SVOP: variants seen among roughly 807,000 people sequenced by gnomAD.
SVOP encodes the protein synaptic vesicle 2-related protein.
A neutral mutation model predicts 69.1 loss-of-function variants in SVOP; 17 were observed. The observed-to-expected ratio is 0.25, with a 90% CI of 0.17 to 0.37. The LOEUF is 0.37. SVOP is among the 10% of genes least tolerant of loss of function. SVOP has a pLI of 1.00. For synonymous variants in SVOP, 238 were observed against 238.6 expected (o/e 1.00, Z 0.02); for missense variants, 435 against 597.5 (o/e 0.73, Z 2.84).
chr12:109,002,076 T>C lies in SVOP; in HGVS notation c.36-18315A>G, dbSNP rs878967490. 7.4e-5 allele frequency among the ~76,000 whole-genome samples: 10 copies of C among 135,168 alleles called. No homozygotes were observed. In the East Asian group the frequency reaches 1.7e-3, roughly 23 times the overall value. 88.7% of individuals were successfully genotyped at this position (135,168 alleles called of 152,430 possible). A position where few individuals can be genotyped will look rare whatever the true frequency, so the allele number is the denominator to read the frequency against. On this transcript the variant is annotated intron_variant, in intron 1 of 15. Coordinates refer to ENST00000610966, the MANE Select transcript of SVOP (RefSeq NM_018711.5). ...ACCTACTCATCTGACAAAGGGCTAA[T>C]ATCCAGAATCTACAATGAACTCAAA...
In SVOP at chr12:108,912,146, G is replaced by A. The variant is rs1325291282; in HGVS notation, c.*389C>T. On this transcript the variant is annotated 3_prime_UTR_variant, in exon 16 of 16. Coordinates refer to ENST00000610966, the MANE Select transcript of SVOP (RefSeq NM_018711.5). ...CAGGTCCGGTGGGTGGACAGCAGGT[G>A]TCACATGGGCCTGAGCCTGGACGGT... 8.6e-6 allele frequency: 9 copies of A among 1,044,824 alleles called. No individual in the cohort carries two copies. Among genetic ancestry groups the A allele is most frequent in the Non-Finnish European group, 8.1e-6 (7 of 865,432 alleles). The allele number at this position is 1,044,824 out of a possible 1,614,324, so 64.7% of individuals were successfully genotyped here.
intron 11 of SVOP, among the ~76,000 whole-genome samples, chr12:108,923,202 A>G (rs1275848425): frequency 6.6e-6 from 1 of 151,568 alleles, no homozygotes; most frequent in East Asian, 1.9e-4. Flanking sequence ...GGGGCCTGTG[A>G]CTTGCTTCTA....
intron 14 of SVOP, among the ~76,000 whole-genome samples, 176 bp downstream of exon 14, chr12:108,917,867 A>G (rs1212477011): frequency 2.0e-5 from 3 of 152,028 alleles, no homozygotes; most frequent in Admixed American, 6.6e-5. Context: ...GCTGGTCTCA[A>G]ACATCCGGGC....
At chr12:108,997,753 G>A (rs1331131621) in intron 1 of SVOP, among the ~76,000 whole-genome samples, 1 of 151,570 alleles carries the variant, frequency 6.6e-6, no homozygotes, top group Admixed American at 6.6e-5. Flanking sequence ...TGAGGGTCCT[G>A]TCTGTTAGAA....
rs370864030 is a variant in SVOP at position 108,945,183 on chromosome 12, G to T, written c.579-17C>A. The T allele has an allele frequency of 9.8e-6, 15 of 1,536,700 alleles. No homozygotes were observed. The African/African-American group carries it at 1.6e-4, about 17-fold the overall frequency. On this transcript the variant is annotated splice_polypyrimidine_tract_variant and intron_variant, in intron 6 of 15. Coordinates refer to ENST00000610966, the MANE Select transcript of SVOP (RefSeq NM_018711.5). ...AGCGTCACCCTGGGAATGTAAAAGG[G>T]AAAGAAAGGGAGTTAAGATCAGAAC...
chr12:108,965,760 A>G (rs536335799), intron 5 of SVOP, among the ~76,000 whole-genome samples: 1 of 152,218 alleles, frequency 6.6e-6, no homozygotes, highest in East Asian at 1.9e-4. Flanking sequence ...ACCGAAGGAC[A>G]GTATTTACAG....
At chr12:108,997,008 G>A (rs1020371265) in intron 1 of SVOP, among the ~76,000 whole-genome samples, 3 of 152,050 alleles carry the variant, frequency 2.0e-5, no homozygotes, top group Non-Finnish European at 4.4e-5. Flanking sequence ...CAGCGTGAGC[G>A]ACACAGAAGA....
rs1566060233 is a variant in SVOP, at chr12:108,972,307, G to A, written c.453+98C>T. On this transcript the variant is annotated intron_variant, in intron 5 of 15. Coordinates refer to ENST00000610966, the MANE Select transcript of SVOP (RefSeq NM_018711.5). ...TGTACTTCAACATCATCCTTATTAG[G>A]CCTCCCAACTGCTAATGCAGAACGG... 1.1e-5 allele frequency: 12 copies of A among 1,130,976 alleles called. No homozygotes were observed. The East Asian group carries it at 3.1e-4, about 29-fold the overall frequency. The allele number at this position is 1,130,976 out of a possible 1,614,324, so 70.1% of individuals were successfully genotyped here.
intron 5 of SVOP, among the ~76,000 whole-genome samples, chr12:108,961,420 T>G (rs1303369431): frequency 8.1e-6 from 1 of 123,316 alleles, no homozygotes; most frequent in Non-Finnish European, 1.7e-5. Context: ...GTTTCACACA[T>G]TCAAGACTTT....
rs1003734580 is a variant in SVOP, at chr12:108,910,106, C to G, written c.*2429G>C. On this transcript the variant is annotated 3_prime_UTR_variant, in exon 16 of 16. Coordinates refer to ENST00000610966, the MANE Select transcript of SVOP (RefSeq NM_018711.5). ...TCCTGAGTAGCTGGGACTACAGGCACCCGCCACCACACCTGGCTAATTTTT... is the reference window on the plus strand; with the variant it reads ...TCCTGAGTAGCTGGGACTACAGGCAGCCGCCACCACACCTGGCTAATTTTT... 6.9e-6 allele frequency: 1 copy of G among 145,288 alleles called. No homozygotes were observed. Among genetic ancestry groups the G allele is most frequent in the Non-Finnish European group, 1.5e-5 (1 of 67,560 alleles). The allele number at this position is 145,288 out of a possible 1,614,324, so 9.0% of individuals were successfully genotyped here.
At chr12:109,003,756 T>A (rs1255541897) in intron 1 of SVOP, among the ~76,000 whole-genome samples, 3 of 152,126 alleles carry the variant, frequency 2.0e-5, no homozygotes, top group African/African-American at 4.8e-5. Flanking sequence ...TGCAGGCGTT[T>A]GCCACCGTAT....
intron 1 of SVOP, among the ~76,000 whole-genome samples, chr12:108,989,158 C>T (rs1235518293): frequency 6.6e-6 from 1 of 150,802 alleles, no homozygotes; most frequent in Non-Finnish European, 1.5e-5. Flanking sequence ...CAGCCTCAAA[C>T]TCCTGGATTC....
At chr12:108,995,939 A>T (rs1238044434) in intron 1 of SVOP, among the ~76,000 whole-genome samples, 1 of 151,972 alleles carries the variant, frequency 6.6e-6, no homozygotes, top group Non-Finnish European at 1.5e-5. Flanking sequence ...TTTATGTTAC[A>T]TATATTTTAC....
intron 9 of SVOP, among the ~76,000 whole-genome samples, chr12:108,937,961 C>G (rs2039866517): frequency 6.6e-6 from 1 of 152,178 alleles, no homozygotes; most frequent in African/African-American, 2.4e-5. Context: ...TCGAGACCAG[C>G]CTGGCTTTCC....
chr12:108,957,151 A>G (rs1201081768), intron 6 of SVOP, among the ~76,000 whole-genome samples: 1 of 152,100 alleles, frequency 6.6e-6, no homozygotes, highest in Non-Finnish European at 1.5e-5. Flanking sequence ...CACAGGAGAC[A>G]CAGCAAGAGT....
chr12:108,972,476 C>T lies in SVOP; in HGVS notation c.382G>A (p.Val128Met), dbSNP rs1422944456. 1.3e-6 allele frequency: 2 copies of T among 1,537,202 alleles called. No individual in the cohort carries two copies. The highest frequency in any genetic ancestry group is 1.7e-6 in the Non-Finnish European group (2 of 1,146,874). Reference sequence around the variant, plus strand: ...CTGGACATCATGCCTACAAAGACCACCTGTGGGGGGAAAGACAGTTGTCAT... The same window carrying T: ...CTGGACATCATGCCTACAAAGACCATCTGTGGGGGGAAAGACAGTTGTCAT... ...PSWQVALLTS[V>M]VFVGMMSSST... The change falls in exon 5 of 16, where the codon GTG becomes ATG. Residue 128 changes from valine (V) to methionine (M), a missense_variant and splice_region_variant. Val to Met is a conservative substitution (Grantham distance 21). Coordinates refer to ENST00000610966, the MANE Select transcript of SVOP (RefSeq NM_018711.5).
chr12:108,916,161 C>T (rs1240492445), intron 14 of SVOP, among the ~76,000 whole-genome samples: 3 of 152,220 alleles, frequency 2.0e-5, no homozygotes, highest in African/African-American at 7.2e-5. Context: ...CACAAGTTCA[C>T]AACTCAGGGG....
chr12:108,921,858 A>G (rs1188724355), intron 12 of SVOP, among the ~76,000 whole-genome samples: 1 of 152,250 alleles, frequency 6.6e-6, no homozygotes, highest in Non-Finnish European at 1.5e-5. Context: ...CGACTTCACA[A>G]GATTAAATAA....
chr12:108,916,373 C>T (rs1269803022), intron 14 of SVOP, among the ~76,000 whole-genome samples: 8 of 152,240 alleles, frequency 5.3e-5, no homozygotes, highest in Admixed American at 4.6e-4. Flanking sequence ...GTTTTCTCCT[C>T]TCCCTTCCCA....
Sources: allele counts gnomAD v4.1 joint callset (sites outside exome capture counted in the v4.1 genomes callset), GRCh38; gene constraint gnomAD v4.1.1; transcripts MANE v1.5; gene names NCBI Gene and HGNC (gene_info 2026-07-23, HGNC 2026-07-21).